Variants in SCG5 observed in about 807,000 individuals in gnomAD.
The protein encoded by SCG5 is secretogranin V.
In SCG5, 18 loss-of-function variants were observed where a neutral mutation model predicts 25.7. The ratio of observed to expected loss-of-function variants is 0.70; its 90% confidence interval spans 0.48 to 1.04. SCG5 has a LOEUF of 1.04. Among genes scored for constraint, SCG5 ranks in the 50% least tolerant of loss-of-function variants. SCG5 has a pLI of 0.00. For missense variants in SCG5, 206 were observed against 259.8 expected, an observed-to-expected ratio of 0.79 and a Z score of 1.42; for synonymous variants, 101 against 91.7, an observed-to-expected ratio of 1.10 and a Z score of -0.58.
chr15:32,696,169 G>C (rs890180545), intron 5 of SCG5, among the ~76,000 whole-genome samples: 6 of 151,818 alleles, frequency 4.0e-5, no homozygotes, highest in Non-Finnish European at 5.9e-5. Flanking sequence ...CCAGGCTGGA[G>C]TGCAGTGGCA....
rs745460975 is a variant in SCG5, at chr15:32,684,676, C to G, written c.489+7C>G. 6.3e-7 allele frequency: 1 copy of G among 1,590,356 alleles called. No homozygotes were observed. Among genetic ancestry groups the G allele is most frequent in the South Asian group, 1.1e-5 (1 of 89,786 alleles). ...TCCAGGCTTGGGCAAGTGGGTAAGT[C>G]CTATCTCAATTGTTAGTAGATTTTG... On this transcript the variant is annotated splice_region_variant and intron_variant, in intron 4 of 5. Transcript: ENST00000300175.
chr15:32,655,824 C>G (rs906337324), intron 2 of SCG5, among the ~76,000 whole-genome samples: 1 of 152,206 alleles, frequency 6.6e-6, no homozygotes, highest in Non-Finnish European at 1.5e-5. Flanking sequence ...GCACTTTAAT[C>G]TTGGACTTCC....
intron 1 of SCG5, among the ~76,000 whole-genome samples, chr15:32,642,967 C>T (rs1371409253): frequency 2.6e-5 from 4 of 152,224 alleles, no homozygotes; most frequent in African/African-American, 9.6e-5. Context: ...TGCCTACGAT[C>T]ACTCAGCATG....
At chr15:32,684,158 G>T (rs186565169) in intron 3 of SCG5, among the ~76,000 whole-genome samples, 5 of 152,188 alleles carry the variant, frequency 3.3e-5, no homozygotes, top group Admixed American at 3.3e-4. Context: ...GAGAAGTGGA[G>T]CATGGTATGA....
At chr15:32,658,720 C>T (rs1389633403) in intron 2 of SCG5, among the ~76,000 whole-genome samples, 1 of 152,164 alleles carries the variant, frequency 6.6e-6, no homozygotes, top group Non-Finnish European at 1.5e-5. Flanking sequence ...CCAAATCTAG[C>T]GATACCCTCG....
chr15:32,665,586 T>A (rs1386388120), intron 2 of SCG5: 1 of 152,234 alleles, frequency 6.6e-6, no homozygotes, highest in Non-Finnish European at 1.5e-5. Context: ...GTACTATTTG[T>A]CTCTGATCAA....
In SCG5 at chr15:32,684,616, T is replaced by C; in HGVS notation, c.436T>C (p.Leu146=). 6.2e-7 allele frequency: 1 copy of C among 1,613,904 alleles called. No individual in the cohort carries two copies. Reference sequence around the variant, plus strand: ...TGCAGAGTTCAGTCGAGAGTTCCAGTTGCACCAGCATCTCTTTGATCCGGA... The same window carrying C: ...TGCAGAGTTCAGTCGAGAGTTCCAGCTGCACCAGCATCTCTTTGATCCGGA... ...DTAEFSREFQ[L]HQHLFDPEHD... The change falls in exon 4 of 6, where the codon TTG becomes CTG. Residue 146 remains leucine, a synonymous_variant. Coordinates refer to ENST00000300175, the MANE Select transcript of SCG5 (RefSeq NM_001144757.3).
chr15:32,694,661 T>C (rs1423264387), intron 5 of SCG5, among the ~76,000 whole-genome samples: 4 of 152,376 alleles, frequency 2.6e-5, no homozygotes, highest in African/African-American at 9.6e-5. Flanking sequence ...TTTTAAATAT[T>C]TCTAAGATGA....
chr15:32,657,957 T>C (rs2054152927), intron 2 of SCG5, among the ~76,000 whole-genome samples: 1 of 152,192 alleles, frequency 6.6e-6, no homozygotes, highest in Non-Finnish European at 1.5e-5. Flanking sequence ...AAATCAGGAA[T>C]GGAACAGAAT....
At position 32,649,719 on chromosome 15, in the gene SCG5, ATG is replaced by A. The variant is rs78194312; in HGVS notation, c.226+5905_226+5906del. Among the ~76,000 whole-genome samples, 1,124 of 152,312 alleles carry A rather than the reference ATG, an allele frequency of 7.4e-3. 8 individuals are homozygous for A. Among genetic ancestry groups the A allele is most frequent in the Non-Finnish European group, 0.012 (837 of 68,032 alleles). On this transcript the variant is annotated intron_variant, in intron 2 of 5. Transcript: ENST00000300175. Reference sequence around the variant, plus strand: ...CAGCTTGGTAAGGAGCATCTTTCAAATGTGTAAATTCTTAGTCCAAAGCAAAT... The same window carrying A: ...CAGCTTGGTAAGGAGCATCTTTCAAATGTAAATTCTTAGTCCAAAGCAAAT...
intron 2 of SCG5, among the ~76,000 whole-genome samples, chr15:32,678,998 T>C (rs1386504500): frequency 6.6e-6 from 1 of 152,170 alleles, no homozygotes; most frequent in Non-Finnish European, 1.5e-5. Flanking sequence ...ACAGTGACCT[T>C]ATCTTTTTTC....
chr15:32,643,886 CACA>C (rs2053905121), intron 2 of SCG5, 68 bp downstream of exon 2: 10 of 1,356,408 alleles, frequency 7.4e-6, no homozygotes, highest in Non-Finnish European at 1.0e-5. Context: ...GCACACTTCT[CACA>C]ACAACCTTAT....
At chr15:32,688,881 C>G (rs564602161) in intron 4 of SCG5, among the ~76,000 whole-genome samples, 1 of 149,512 alleles carries the variant, frequency 6.7e-6, no homozygotes, top group Admixed American at 6.7e-5. Flanking sequence ...ATGGCGTGAA[C>G]CCAGGAGGCG....
chr15:32,652,870 T>C (rs1043020178), intron 2 of SCG5, among the ~76,000 whole-genome samples: 11 of 152,254 alleles, frequency 7.2e-5, no homozygotes, highest in African/African-American at 2.7e-4. Context: ...GTATAAACTT[T>C]TAATATTTAC....
chr15:32,678,123 TGTCA>T (rs1202370406), intron 2 of SCG5, among the ~76,000 whole-genome samples: 2 of 152,214 alleles, frequency 1.3e-5, no homozygotes, highest in African/African-American at 2.4e-5. Context: ...ATGATCCAAA[TGTCA>T]GTAGTACTTC....
chr15:32,652,020 T>A (rs1385181892), intron 2 of SCG5, among the ~76,000 whole-genome samples: 1 of 151,932 alleles, frequency 6.6e-6, no homozygotes, highest in Non-Finnish European at 1.5e-5. Flanking sequence ...GCCAGGTAGA[T>A]GAAGAAGAAT....
chr15:32,673,039 T>G (rs1000105728), intron 2 of SCG5: 4 of 152,150 alleles, frequency 2.6e-5, no homozygotes, highest in African/African-American at 9.7e-5. Context: ...GGAGAGCCGT[T>G]GCATCGTGGT....
In SCG5 at chr15:32,643,890, A is replaced by G; in HGVS notation, c.226+72A>G. The G allele has an allele frequency of 1.4e-5, 19 of 1,325,992 alleles. No individual in the cohort carries two copies. The South Asian group carries it at 2.1e-4, about 15-fold the overall frequency. 82.1% of individuals were successfully genotyped at this position (1,325,992 alleles called of 1,614,324 possible). ...ATAATATATTTGCACACTTCTCACA[A>G]CAACCTTATAAGTAGATGCCTTTAT... On this transcript the variant is annotated intron_variant, in intron 2 of 5. Transcript: ENST00000300175.
Position 32,652,089 on chromosome 15 carries a change from T to C in SCG5, c.226+8271T>C, listed in dbSNP as rs568419456. ...GGAGAAGAACCAGAAAGATAGAGTG[T>C]AATGAAAACAAGGAAATAGTGTTCT... On this transcript the variant is annotated intron_variant, in intron 2 of 5. Coordinates refer to ENST00000300175, the MANE Select transcript of SCG5 (RefSeq NM_001144757.3). Among the ~76,000 whole-genome samples the C allele has an allele frequency of 3.4e-4, 52 of 152,226 alleles. No homozygotes were observed. The South Asian group carries it at 0.01, about 30-fold the overall frequency.
Sources: gnomAD v4.1 joint callset for allele counts (sites outside exome capture counted in the v4.1 genomes callset) on GRCh38, gnomAD v4.1.1 for gene constraint, MANE v1.5 for transcripts, NCBI Gene and HGNC (gene_info 2026-07-23, HGNC 2026-07-21) for gene names.